Variants in FIBP observed in about 807,000 individuals in gnomAD.
FIBP encodes the protein FGF1 intracellular binding protein.
In FIBP, 29 loss-of-function variants were observed where a neutral mutation model predicts 40.5. The observed-to-expected ratio is 0.72, with a 90% CI of 0.53 to 0.98. The LOEUF (loss-of-function observed/expected upper bound fraction) is 0.98. Among genes scored for constraint, FIBP ranks in the 50% least tolerant of loss-of-function variants. The pLI, the probability that FIBP is intolerant of heterozygous loss-of-function variation, is 0.00. For synonymous variants in FIBP, 215 were observed against 191.1 expected (o/e 1.13, Z -1.03); for missense variants, 411 against 470.2 (o/e 0.87, Z 1.16).
At position 65,887,745 on chromosome 11, in the gene FIBP, A is replaced by T. The variant is rs1565282856; in HGVS notation, c.285-19T>A. On this transcript the variant is annotated intron_variant, in intron 2 of 9. Transcript: ENST00000357519. ...ATAGTACCTTGTGGAGTCAGAGAAC[A>T]CCATTGACCCTCCATAAAAGACAGG... 2 of 1,613,198 alleles carry T rather than the reference A, an allele frequency of 1.2e-6. No individual in the cohort carries two copies. Among genetic ancestry groups the T allele is most frequent in the African/African-American group, 2.7e-5 (2 of 74,752 alleles).
At chr11:65,885,472 G>A in intron 5 of FIBP, 58 bp downstream of exon 5, 1 of 1,580,880 alleles carries the variant, frequency 6.3e-7, no homozygotes, top group Non-Finnish European at 8.6e-7. Flanking sequence ...CTACTGGTGG[G>A]GAATCAGGTC....
chr11:65,884,255 C>T (rs936528998), intron 9 of FIBP, 137 bp downstream of exon 9: 2 of 839,422 alleles, frequency 2.4e-6, no homozygotes, highest in South Asian at 3.3e-5. Context: ...AGAGGGAGAG[C>T]CAGAGCTTTG....
rs1481222478 is a variant in FIBP, at chr11:65,886,316, C to T, written c.512+6G>A. The T allele has an allele frequency of 1.9e-6, 3 of 1,605,558 alleles. No homozygotes were observed. The highest frequency in any genetic ancestry group is 2.6e-6 in the Non-Finnish European group (3 of 1,172,706). ...GTGCGGGATGGGGAGGTGGCTAGCTCCTCACCTGGCCAACCGGTCAGAGAG... is the reference window on the plus strand; with the variant it reads ...GTGCGGGATGGGGAGGTGGCTAGCTTCTCACCTGGCCAACCGGTCAGAGAG... On this transcript the variant is annotated splice_donor_region_variant and intron_variant, in intron 4 of 9. Coordinates refer to ENST00000357519, the MANE Select transcript of FIBP (RefSeq NM_004214.5).
chr11:65,887,401 G>A (rs957921561), intron 3 of FIBP, 199 bp downstream of exon 3: 22 of 614,382 alleles, frequency 3.6e-5, no homozygotes, highest in African/African-American at 5.7e-5. Flanking sequence ...AGCTGAGGTC[G>A]CGCCACTGCA....
In FIBP at chr11:65,886,357, A is replaced by T. The variant is rs1860238185; in HGVS notation, c.477T>A (p.Ile159=). The T allele has an allele frequency of 1.2e-6, 2 of 1,613,764 alleles. No homozygotes were observed. Among genetic ancestry groups the T allele is most frequent in the Non-Finnish European group, 8.5e-7 (1 of 1,179,950 alleles). ...EEMRGSLVDN[I]QQHFLLSDRL... ...GGTCAGAGAGGAGGAAGTGTTGCTG[A>T]ATATTGTCCACCAGGGAGCCCCGCA... The change falls in exon 4 of 10, where the codon ATT becomes ATA. Residue 159 remains isoleucine, a synonymous_variant. Coordinates refer to ENST00000357519, the MANE Select transcript of FIBP (RefSeq NM_004214.5).
Position 65,887,697 on chromosome 11 carries a change from C to A in FIBP, c.314G>T (p.Arg105Leu). 2 of 1,614,138 alleles carry A rather than the reference C, an allele frequency of 1.2e-6. No homozygotes were observed. The highest frequency in any genetic ancestry group is 1.7e-6 in the Non-Finnish European group (2 of 1,180,038). Reference protein sequence around the residue: ...RYYAFDEAFVREVLGKKLSKG... With the variant: ...RYYAFDEAFVLEVLGKKLSKG... ...GGACAGCTTCTTGCCCAGCACCTCC[C>A]GAACAAAGGCCTCATCAAAGGCATA... The change falls in exon 3 of 10, where the codon CGG (arginine) becomes CTG (leucine). Residue 105 changes from arginine to leucine, a missense_variant. Transcript: ENST00000357519.
chr11:65,888,341 AC>A lies in FIBP; in HGVS notation c.77del (p.Gly26ValfsTer4). 6.4e-7 allele frequency: 1 copy of A among 1,554,150 alleles called. No individual in the cohort carries two copies. Among genetic ancestry groups the A allele is most frequent in the South Asian group, 1.2e-5 (1 of 84,432 alleles). ...DEDVYRLWLD[G>X]YSVTDAVALR... ...CACACGCCCCTCACGGACCCGAGTAACCATCGAGCCAGAGGCGATACACGTC... is the reference window on the plus strand; with the variant it reads ...CACACGCCCCTCACGGACCCGAGTAACATCGAGCCAGAGGCGATACACGTC... On this transcript the variant is annotated frameshift_variant, in exon 1 of 10. Transcript: ENST00000357519. LOFTEE classifies it high-confidence loss of function.
At position 65,887,445 on chromosome 11, in the gene FIBP, C is replaced by CA. The variant is rs1555046437; in HGVS notation, c.411+154_411+155insT. 3 of 682,980 alleles carry CA rather than the reference C, an allele frequency of 4.4e-6. No homozygotes were observed. In the African/African-American group the frequency reaches 8.8e-5, roughly 20 times the overall value. 42.3% of individuals were successfully genotyped at this position (682,980 alleles called of 1,614,324 possible). ...TGGGCCACAGAGCAAGACTCCATCT[C>CA]GAAAAAAAAAAAAAAAAAGGAGGGG... On this transcript the variant is annotated intron_variant, in intron 3 of 9. Coordinates refer to ENST00000357519, the MANE Select transcript of FIBP (RefSeq NM_004214.5).
Position 65,883,962 on chromosome 11 carries a change from T to C in FIBP, c.*12A>G, listed in dbSNP as rs371742664. On this transcript the variant is annotated 3_prime_UTR_variant, in exon 10 of 10. Coordinates refer to ENST00000357519, the MANE Select transcript of FIBP (RefSeq NM_004214.5). ...CTTTATTGTCAGCGTGGGCGGAGCG[T>C]TGGGAGGCACCTCAGTCATGATACA... 6.2e-7 allele frequency: 1 copy of C among 1,612,960 alleles called. No individual in the cohort carries two copies. Among genetic ancestry groups the C allele is most frequent in the African/African-American group, 1.3e-5 (1 of 74,874 alleles).
Position 65,888,045 on chromosome 11 carries a change from T to C in FIBP, c.173A>G (p.Asp58Gly), listed in dbSNP as rs1860288181. The change falls in exon 2 of 10, where the codon GAC becomes GGC. Residue 58 changes from aspartate to glycine, a missense_variant. Physicochemically the swap from Asp to Gly is moderately conservative, Grantham distance 94 (BLOSUM62 -1). Coordinates refer to ENST00000357519, the MANE Select transcript of FIBP (RefSeq NM_004214.5). ...TAAVLQSDTM[D>G]HYRTFHMLER... is the part of the protein sequence containing the mutation. ...GAGCATGTGGAAGGTGCGGTAATGGTCCATGGTGTCGCTCTGCAGCACCGC... is the reference window on the plus strand; with the variant it reads ...GAGCATGTGGAAGGTGCGGTAATGGCCCATGGTGTCGCTCTGCAGCACCGC... 6.2e-7 allele frequency: 1 copy of C among 1,611,252 alleles called. No homozygotes were observed. Among genetic ancestry groups the C allele is most frequent in the African/African-American group, 1.3e-5 (1 of 74,864 alleles).
At chr11:65,887,467 G>T in intron 3 of FIBP, 133 bp downstream of exon 3, 2 of 1,003,136 alleles carry the variant, frequency 2.0e-6, no homozygotes, top group Non-Finnish European at 3.1e-6. Context: ...AAAAAAAGGA[G>T]GGGAAAGGGG....
At chr11:65,886,295 G>C (rs745352075) in intron 4 of FIBP, 27 bp downstream of exon 4, 5 of 1,509,200 alleles carry the variant, frequency 3.3e-6, no homozygotes, top group African/African-American at 1.4e-5. Context: ...AGTAGTGTGC[G>C]GGATGGGGAG....
chr11:65,887,483 A>C, intron 3 of FIBP, 117 bp downstream of exon 3: 13 of 971,602 alleles, frequency 1.3e-5, no homozygotes, highest in Non-Finnish European at 1.9e-5. Flanking sequence ...AGGGGAAGGG[A>C]GGAGAAGACT....
intron 3 of FIBP, chr11:65,886,733 C>A: frequency 3.6e-6 from 1 of 280,294 alleles, no homozygotes. Flanking sequence ...ACTTTCCTGG[C>A]TAAGCCCTAG....
Position 65,887,283 on chromosome 11 carries a change from TAAC to T in FIBP, c.411+314_411+316del, listed in dbSNP as rs1476745347. 7.8e-6 allele frequency: 3 copies of T among 385,934 alleles called. No homozygotes were observed. The East Asian group carries it at 1.9e-4, about 24-fold the overall frequency. The allele number at this position is 385,934 out of a possible 1,614,324, so 23.9% of individuals were successfully genotyped here. A position where few individuals can be genotyped will look rare whatever the true frequency, so the allele number is the denominator to read the frequency against. On this transcript the variant is annotated intron_variant, in intron 3 of 9. Transcript: ENST00000357519. Reference sequence around the variant, plus strand: ...CAACATGGTGAAACCCTGTCTCTACTAACAATACAAAAATTAGCTGGGTGTGGG... The same window carrying T: ...CAACATGGTGAAACCCTGTCTCTACTAATACAAAAATTAGCTGGGTGTGGG...
chr11:65,886,496 T>C (rs2134774816), intron 3 of FIBP, 74 bp from the exon 4 acceptor site: 1 of 950,782 alleles, frequency 1.1e-6, no homozygotes, highest in East Asian at 2.4e-5. Context: ...AAACCACTTA[T>C]TGAACATCTC....
Position 65,887,929 on chromosome 11 carries a change from A to G in FIBP, c.284+5T>C, listed in dbSNP as rs1211016069. On this transcript the variant is annotated splice_donor_5th_base_variant and intron_variant, in intron 2 of 9. Coordinates refer to ENST00000357519, the MANE Select transcript of FIBP (RefSeq NM_004214.5). ...GATGTCTCCACCATCCCAGAGGGTG[A>G]GCACCTCTCGATGAGTAGTGCCTGC... is the stretch of plus-strand genomic sequence containing the variant. 2 of 1,612,150 alleles carry G rather than the reference A, an allele frequency of 1.2e-6. No individual in the cohort carries two copies. Among genetic ancestry groups the G allele is most frequent in the South Asian group, 2.2e-5 (2 of 90,824 alleles).
chr11:65,888,469 A>G lies in FIBP; in HGVS notation c.-51T>C. 1 of 1,446,316 alleles carries G rather than the reference A, an allele frequency of 6.9e-7. No homozygotes were observed. Among genetic ancestry groups the G allele is most frequent in the Non-Finnish European group, 9.4e-7 (1 of 1,059,468 alleles). The allele number at this position is 1,446,316 out of a possible 1,614,324, so 89.6% of individuals were successfully genotyped here. ...CGAGCAGGAGCGAGCACTGCTCGGGACTGGCGCGCCGCCTTCAGGCCACTT... is the reference window on the plus strand; with the variant it reads ...CGAGCAGGAGCGAGCACTGCTCGGGGCTGGCGCGCCGCCTTCAGGCCACTT... On this transcript the variant is annotated 5_prime_UTR_variant, in exon 1 of 10. Transcript: ENST00000357519.
rs1253166370 is a variant in FIBP at position 65,884,668 on chromosome 11, G to C, written c.820-12C>G. The C allele has an allele frequency of 6.2e-7, 1 of 1,613,290 alleles. No individual in the cohort carries two copies. The highest frequency in any genetic ancestry group is 1.7e-5 in the Admixed American group (1 of 60,004). On this transcript the variant is annotated splice_polypyrimidine_tract_variant and intron_variant, in intron 7 of 9. Transcript: ENST00000357519. ...CCCCGGGACAGGTTCTGTGGGGCAG[G>C]GATCCTTGGAGCTCTGCTTTCTGCC...
Sources: gnomAD v4.1 joint callset for allele counts on GRCh38, gnomAD v4.1.1 for gene constraint, MANE v1.5 for transcripts, NCBI Gene and HGNC (gene_info 2026-07-23, HGNC 2026-07-21) for gene names.